TTC23L: variants seen among roughly 807,000 people sequenced by gnomAD.
TTC23L encodes tetratricopeptide repeat protein 23-like.
Under a neutral mutation model 48.1 loss-of-function variants are expected in TTC23L, and 42 were observed. The ratio of observed to expected loss-of-function variants is 0.87; its 90% confidence interval spans 0.68 to 1.13. The LOEUF (loss-of-function observed/expected upper bound fraction) is 1.13. Among genes scored for constraint, TTC23L ranks in the 50% most tolerant of loss-of-function variants. The pLI, the probability that TTC23L is intolerant of heterozygous loss-of-function variation, is 0.00. For synonymous variants in TTC23L, 159 were observed against 157.2 expected (o/e 1.01, Z -0.09); for missense variants, 391 against 421.0 (o/e 0.93, Z 0.62).
chr5:34,925,196 A>C, the TTC23L span: 4 of 1,527,772 alleles, frequency 2.6e-6, no homozygotes, highest in South Asian at 5.1e-5. Context: ...TTTATTTCAA[A>C]AGCATCTAAT....
At chr5:34,916,038 C>A in the TTC23L span, 1 of 962,732 alleles carries the variant, frequency 1.0e-6, no homozygotes, top group Non-Finnish European at 1.5e-6. Flanking sequence ...ATTCTCCCGG[C>A]CAGACTGGGC....
intron 8 of TTC23L, among the ~76,000 whole-genome samples, chr5:34,872,533 T>A (rs914062806): frequency 1.6e-4 from 25 of 152,230 alleles, no homozygotes; most frequent in Non-Finnish European, 3.4e-4. Flanking sequence ...GTGAAAATTT[T>A]AAAAATTTAA....
chr5:34,868,014 G>A (rs1761192992), intron 7 of TTC23L: 1 of 152,196 alleles, frequency 6.6e-6, no homozygotes, highest in Admixed American at 6.5e-5. Context: ...GAGTTAAAAT[G>A]TATGGAATGC....
At chr5:34,846,520 A>T (rs1415580305) in intron 3 of TTC23L, among the ~76,000 whole-genome samples, 1 of 140,002 alleles carries the variant, frequency 7.1e-6, no homozygotes, top group Non-Finnish European at 1.5e-5. Context: ...AGATCATGCC[A>T]TTGCACTCCA....
intron 8 of TTC23L, among the ~76,000 whole-genome samples, chr5:34,870,065 G>GA (rs1410434443): frequency 1.3e-5 from 2 of 151,666 alleles, no homozygotes; most frequent in Non-Finnish European, 2.9e-5. Context: ...TTTTAAGTGA[G>GA]AAAAAACAAG....
At chr5:34,911,583 A>C in the TTC23L span, 5 of 1,614,182 alleles carry the variant, frequency 3.1e-6, no homozygotes, top group Non-Finnish European at 4.2e-6. Flanking sequence ...GAGACATGGT[A>C]ATTTGTAGGA....
the TTC23L span, among the ~76,000 whole-genome samples, chr5:34,910,493 T>C: frequency 3.3e-5 from 5 of 151,788 alleles, no homozygotes; most frequent in African/African-American, 7.2e-5. Flanking sequence ...AGTGGCGCAA[T>C]CTCAGCTCAC....
chr5:34,923,059 T>C, the TTC23L span: 1 of 1,558,912 alleles, frequency 6.4e-7, no homozygotes. Flanking sequence ...CAGGTAAATA[T>C]CTTTAAAATT....
At chr5:34,903,031 A>T (rs1311472566), downstream of TTC23L, among the ~76,000 whole-genome samples, 1 of 152,140 alleles carries the variant, frequency 6.6e-6, no homozygotes, top group African/African-American at 2.4e-5. Context: ...CAAAATTTAT[A>T]AAATGTTACT....
chr5:34,854,987 GGTT>G (rs1760005430), intron 4 of TTC23L, among the ~76,000 whole-genome samples: 1 of 152,156 alleles, frequency 6.6e-6, no homozygotes, highest in African/African-American at 2.4e-5. Flanking sequence ...TGGATTCAAG[GGTT>G]GTAAAGAAGG....
intron 1 of TTC23L, chr5:34,839,629 C>G (rs1008937698): frequency 1.3e-5 from 13 of 985,050 alleles, no homozygotes; most frequent in Non-Finnish European, 2.4e-6. Flanking sequence ...TTCTGATTTT[C>G]GGATAATGGA....
At chr5:34,886,137 A>G (rs1762524197) in intron 9 of TTC23L, among the ~76,000 whole-genome samples, 1 of 152,156 alleles carries the variant, frequency 6.6e-6, no homozygotes, top group African/African-American at 2.4e-5. Flanking sequence ...AAATGAGTAT[A>G]ATAACAGTTC....
At chr5:34,904,644 C>T in the TTC23L span, among the ~76,000 whole-genome samples, 1 of 151,620 alleles carries the variant, frequency 6.6e-6, no homozygotes, top group Admixed American at 6.6e-5. Context: ...CAATGACGTA[C>T]TACCTGCTGA....
chr5:34,900,951 A>G (rs929264819), downstream of TTC23L, among the ~76,000 whole-genome samples: 4 of 152,214 alleles, frequency 2.6e-5, no homozygotes, highest in Non-Finnish European at 5.9e-5. Flanking sequence ...GCAGTACAGT[A>G]CGTACTCCAG....
rs766822648 is a variant in TTC23L, at chr5:34,845,636, C to T, written c.218C>T (p.Ser73Phe). 10 of 1,613,076 alleles carry T rather than the reference C, an allele frequency of 6.2e-6. No individual in the cohort carries two copies. The South Asian group carries it at 8.8e-5, about 14-fold the overall frequency. Residue 73 changes from serine to phenylalanine, a missense_variant, in exon 3 of 11, where the codon TCC becomes TTC. Ser to Phe is a radical substitution (Grantham distance 155). Transcript: ENST00000505624. ...CATCCCAAAGAGAAATTAGCCCAAT[C>T]CCAGAAGAAAGTAGCTCAGCTGATT... is the stretch of plus-strand genomic sequence containing the variant.
the TTC23L span, chr5:34,919,738 G>A: frequency 7.1e-6 from 3 of 420,180 alleles, no homozygotes; most frequent in Admixed American, 4.6e-5. Context: ...AAACTGAAGA[G>A]TGTAAAAACA....
At chr5:34,850,589 T>A (rs1386372186) in intron 4 of TTC23L, among the ~76,000 whole-genome samples, 1 of 152,118 alleles carries the variant, frequency 6.6e-6, no homozygotes, top group Non-Finnish European at 1.5e-5. Context: ...GTAACCTCAG[T>A]TTATGGATGA....
intron 4 of TTC23L, chr5:34,861,511 G>C (rs16868603): frequency 0.51 from 77,299 of 152,072 alleles, 19,967 homozygotes; most frequent in South Asian, 0.6. Context: ...TTATTTTGAC[G>C]ACTGCTGCTT....
intron 10 of TTC23L, among the ~76,000 whole-genome samples, chr5:34,898,176 T>C (rs1316997237): frequency 2.0e-5 from 3 of 152,248 alleles, no homozygotes; most frequent in African/African-American, 7.2e-5. Flanking sequence ...CAGCTATTTT[T>C]AGTTTTACTG....
Sources: gnomAD v4.1 joint callset for allele counts (sites outside exome capture counted in the v4.1 genomes callset) on GRCh38, gnomAD v4.1.1 for gene constraint, MANE v1.5 for transcripts, NCBI Gene and HGNC (gene_info 2026-07-23, HGNC 2026-07-21) for gene names.